The following NALF1 variants were observed in gnomAD, a reference collection of about 807,000 sequenced individuals.
NALF1 encodes family with sequence similarity 155 member A.
Under a neutral mutation model 48.4 loss-of-function variants are expected in NALF1, and 3 were observed. The ratio of observed to expected loss-of-function variants is 0.06; its 90% CI spans 0.03 to 0.16. NALF1 has a LOEUF of 0.16. Among genes scored for constraint, NALF1 ranks in the 10% least tolerant of loss-of-function variants. The pLI is 1.00. For synonymous variants in NALF1, 262 were observed against 245.7 expected (o/e 1.07, Z -0.62); for missense variants, 526 against 571.5 (o/e 0.92, Z 0.81).
Position 107,759,097 on chromosome 13 carries a change from G to A in NALF1, c.915+106585C>T, listed in dbSNP as rs75560507. 3.5e-3 allele frequency among the ~76,000 whole-genome samples: 534 copies of A among 152,256 alleles called. 2 individuals are homozygous for A. The highest frequency in any genetic ancestry group is 5.0e-3 in the Non-Finnish European group (340 of 68,010). ...TGTCCTCATGTATCCAAGAGTCAATGGGTTAAGAAGAAATGGCAAACAGCA... is the reference window on the plus strand; with the variant it reads ...TGTCCTCATGTATCCAAGAGTCAATAGGTTAAGAAGAAATGGCAAACAGCA... On this transcript the variant is annotated intron_variant, in intron 1 of 2. Transcript: ENST00000375915.
At chr13:107,347,440 C>A (rs1048217818) in intron 1 of NALF1, among the ~76,000 whole-genome samples, 2 of 152,214 alleles carry the variant, frequency 1.3e-5, no homozygotes, top group Non-Finnish European at 2.9e-5. Context: ...CAAACATAAC[C>A]AGCCATGCTT....
chr13:107,643,689 C>T (rs1880227213), intron 1 of NALF1, among the ~76,000 whole-genome samples: 1 of 151,952 alleles, frequency 6.6e-6, no homozygotes, highest in Non-Finnish European at 1.5e-5. Context: ...TTACATGTTA[C>T]TTTTTATGAT....
intron 1 of NALF1, among the ~76,000 whole-genome samples, chr13:107,394,438 C>T (rs7982576): frequency 0.13 from 19,461 of 152,048 alleles, 1,382 homozygotes; most frequent in South Asian, 0.24. Flanking sequence ...ATCCTTCAGA[C>T]TGGGACACCT....
At chr13:107,678,239 G>A (rs1357221601) in intron 1 of NALF1, among the ~76,000 whole-genome samples, 1 of 152,142 alleles carries the variant, frequency 6.6e-6, no homozygotes, top group Admixed American at 6.5e-5. Context: ...GGAGGACATG[G>A]TGAACGGGAG....
At chr13:107,680,623 TGTTTGTGAGA>T (rs1881271017) in intron 1 of NALF1, among the ~76,000 whole-genome samples, 1 of 102,730 alleles carries the variant, frequency 9.7e-6, no homozygotes, top group Admixed American at 1.3e-4. Flanking sequence ...TGAGGGTGTA[TGTTTGTGAGA>T]GTGTGAAAGT....
At chr13:107,553,527 A>G (rs556481838) in intron 1 of NALF1, among the ~76,000 whole-genome samples, 2 of 152,346 alleles carry the variant, frequency 1.3e-5, no homozygotes, top group Admixed American at 6.5e-5. Context: ...TTCTGAAGTT[A>G]GCATTATGAT....
intron 1 of NALF1, among the ~76,000 whole-genome samples, chr13:107,367,800 A>G (rs542312038): frequency 7.2e-5 from 11 of 152,338 alleles, no homozygotes; most frequent in African/African-American, 2.2e-4. Flanking sequence ...ATTCAGACAG[A>G]CTAAAAATTG....
chr13:107,410,331 T>G (rs868013478), intron 1 of NALF1, among the ~76,000 whole-genome samples: 65 of 152,276 alleles, frequency 4.3e-4, no homozygotes, highest in Middle Eastern at 3.4e-3. Flanking sequence ...GCTTCCTGTG[T>G]GTCTCCTTGT....
At chr13:107,711,933 G>A (rs534622017) in intron 1 of NALF1, among the ~76,000 whole-genome samples, 5 of 152,256 alleles carry the variant, frequency 3.3e-5, no homozygotes, top group African/African-American at 1.2e-4. Flanking sequence ...GGCTGCTGCT[G>A]CAATATAACT....
At chr13:107,394,219 C>T (rs1252072398) in intron 1 of NALF1, among the ~76,000 whole-genome samples, 1 of 152,118 alleles carries the variant, frequency 6.6e-6, no homozygotes, top group Non-Finnish European at 1.5e-5. Context: ...ATCTCTATTT[C>T]ACTAGAAGTC....
chr13:107,606,131 T>G (rs1017349924), intron 1 of NALF1, among the ~76,000 whole-genome samples: 1 of 152,080 alleles, frequency 6.6e-6, no homozygotes, highest in African/African-American at 2.4e-5. Flanking sequence ...AAATGAGCAT[T>G]TTACAATCCT....
chr13:107,345,102 TACAC>T (rs1882749623), intron 1 of NALF1, among the ~76,000 whole-genome samples: 4 of 151,346 alleles, frequency 2.6e-5, no homozygotes, highest in Admixed American at 2.6e-4. Context: ...CACACACACA[TACAC>T]ACACACAAGA....
intron 1 of NALF1, among the ~76,000 whole-genome samples, chr13:107,517,438 G>A (rs1262118099): frequency 6.6e-6 from 1 of 151,674 alleles, no homozygotes; most frequent in Non-Finnish European, 1.5e-5. Context: ...AGACCATCCT[G>A]GCTAACATGG....
chr13:107,491,585 C>A (rs927609667), intron 1 of NALF1, among the ~76,000 whole-genome samples: 1 of 152,088 alleles, frequency 6.6e-6, no homozygotes, highest in Non-Finnish European at 1.5e-5. Context: ...GATACAACTA[C>A]GGAAGCAGAA....
chr13:107,181,443 T>C (rs1879058404), intron 2 of NALF1, among the ~76,000 whole-genome samples: 1 of 151,770 alleles, frequency 6.6e-6, no homozygotes, highest in Admixed American at 6.6e-5. Context: ...TTTTATATTA[T>C]CTTTTGTACT....
intron 1 of NALF1, among the ~76,000 whole-genome samples, chr13:107,530,572 A>G (rs767105078): frequency 6.6e-6 from 1 of 152,140 alleles, no homozygotes; most frequent in African/African-American, 2.4e-5. Context: ...TATTCATAAC[A>G]TGTGGATGTA....
At chr13:107,677,109 CA>C (rs1214138038) in intron 1 of NALF1, among the ~76,000 whole-genome samples, 1 of 152,186 alleles carries the variant, frequency 6.6e-6, no homozygotes, top group Non-Finnish European at 1.5e-5. Context: ...TGCAGTGGTG[CA>C]ATCTTGGCTT....
At chr13:107,502,741 T>C (rs934387064) in intron 1 of NALF1, among the ~76,000 whole-genome samples, 4 of 152,222 alleles carry the variant, frequency 2.6e-5, no homozygotes, top group African/African-American at 9.6e-5. Context: ...ATGTTTCCCC[T>C]GATAGTTGTG....
At position 107,522,151 on chromosome 13, in the gene NALF1, T is replaced by C. The variant is rs183029682; in HGVS notation, c.916-311396A>G. On this transcript the variant is annotated intron_variant, in intron 1 of 2. Transcript: ENST00000375915. ...CTTTTGCAATTGAAGGAGAAAATAATGGATTTATCTGTTGACCACAAAGAA... is the reference window on the plus strand; with the variant it reads ...CTTTTGCAATTGAAGGAGAAAATAACGGATTTATCTGTTGACCACAAAGAA... 2.5e-3 allele frequency among the ~76,000 whole-genome samples: 374 copies of C among 152,306 alleles called. 1 individual carries two copies. The highest frequency in any genetic ancestry group is 4.6e-3 in the Non-Finnish European group (316 of 68,016).
Sources: allele counts gnomAD v4.1 joint callset (sites outside exome capture counted in the v4.1 genomes callset), GRCh38; gene constraint gnomAD v4.1.1; transcripts MANE v1.5; gene names NCBI Gene and HGNC (gene_info 2026-07-23, HGNC 2026-07-21).